Variants in MTHFD2L observed in about 807,000 individuals in gnomAD.
The protein encoded by MTHFD2L is methylenetetrahydrofolate dehydrogenase (NADP+ dependent) 2 like.
A neutral mutation model predicts 34.9 loss-of-function variants in MTHFD2L; 29 were observed. That is an observed-to-expected ratio of 0.83 (90% CI 0.62 to 1.13). The LOEUF is 1.13. Among genes scored for constraint, MTHFD2L ranks in the 50% most tolerant of loss-of-function variants. The pLI is 0.00. For missense variants in MTHFD2L, 481 were observed against 446.5 expected, an observed-to-expected ratio of 1.08 and a Z score of -0.70; for synonymous variants, 167 against 155.7, an observed-to-expected ratio of 1.07 and a Z score of -0.54.
intron 7 of MTHFD2L, among the ~76,000 whole-genome samples, chr4:74,289,880 C>T (rs1044956841): frequency 2.0e-5 from 3 of 151,940 alleles, no homozygotes; most frequent in African/African-American, 4.8e-5. Context: ...CTTAAAGGTT[C>T]AATGAATTTT....
At chr4:74,140,943 A>G (rs1371224596) in intron 1 of MTHFD2L, among the ~76,000 whole-genome samples, 2 of 152,228 alleles carry the variant, frequency 1.3e-5, no homozygotes, top group African/African-American at 2.4e-5. Flanking sequence ...TTGAGTGGGA[A>G]CGCAGCCAAA....
chr4:74,160,028 C>T (rs1725069548), intron 1 of MTHFD2L: 1 of 1,277,002 alleles, frequency 7.8e-7, no homozygotes, highest in South Asian at 1.3e-5. Flanking sequence ...TGTGTTGATG[C>T]TTATTGGTGT....
chr4:74,161,361 G>A (rs1725425502), intron 1 of MTHFD2L: 1 of 152,100 alleles, frequency 6.6e-6, no homozygotes, highest in Non-Finnish European at 1.5e-5. Context: ...TAATGACTAG[G>A]AAAGGCAGTT....
At chr4:74,298,096 G>A (rs1178357155) in intron 7 of MTHFD2L, among the ~76,000 whole-genome samples, 2 of 152,012 alleles carry the variant, frequency 1.3e-5, no homozygotes, top group Non-Finnish European at 2.9e-5. Flanking sequence ...GTTTTCCAAA[G>A]TCAAATTAAT....
chr4:74,287,606 G>A (rs1748347402), intron 7 of MTHFD2L, among the ~76,000 whole-genome samples: 2 of 152,126 alleles, frequency 1.3e-5, no homozygotes, highest in Admixed American at 1.3e-4. Flanking sequence ...AATTCGCTAG[G>A]TGTGGTGGTG....
At position 74,158,209 on chromosome 4, in the gene MTHFD2L, G is replaced by A; in HGVS notation, c.71G>A (p.Ser24Asn). The A allele has an allele frequency of 1.3e-6, 2 of 1,519,940 alleles. No homozygotes were observed. Among genetic ancestry groups the A allele is most frequent in the Non-Finnish European group, 1.8e-6 (2 of 1,134,094 alleles). The allele number at this position is 1,519,940 out of a possible 1,614,324, so 94.2% of individuals were successfully genotyped here. Residue 24 changes from serine to asparagine, a missense_variant, in exon 1 of 8, where the codon AGC becomes AAC. By Grantham distance (46) the Ser-to-Asn change is conservative. Transcript: ENST00000325278. ...GGCCGAGCGCCGGCGTTGGGCAGAA[G>A]CACAGCACCCTCCGTAAGGGCACCG... ...RLGRAPALGR[S>N]TAPSVRAPGE...
At chr4:74,121,575 G>A (rs966953089), upstream of MTHFD2L, among the ~76,000 whole-genome samples, 3 of 145,022 alleles carry the variant, frequency 2.1e-5, no homozygotes, top group African/African-American at 7.7e-5. Context: ...ATTATGGTGA[G>A]TTGTATAATT....
intron 1 of MTHFD2L, among the ~76,000 whole-genome samples, chr4:74,147,407 G>C (rs576557030): frequency 6.6e-6 from 1 of 152,246 alleles, no homozygotes; most frequent in Admixed American, 6.5e-5. Context: ...TCTTGTCTAG[G>C]GGATGTGTGT....
At chr4:74,246,063 A>G (rs113006444) in intron 6 of MTHFD2L, among the ~76,000 whole-genome samples, 23,362 of 127,914 alleles carry the variant, frequency 0.18, 2,286 homozygotes, top group African/African-American at 0.25. Flanking sequence ...AGTGACTTCC[A>G]CAATGGTTGA....
intron 1 of MTHFD2L, among the ~76,000 whole-genome samples, chr4:74,171,332 A>C (rs933005177): frequency 2.6e-5 from 4 of 152,226 alleles, no homozygotes; most frequent in African/African-American, 9.6e-5. Context: ...AACAGTTTTA[A>C]AACCTGACCA....
At chr4:74,250,513 A>G (rs548284948) in intron 6 of MTHFD2L, among the ~76,000 whole-genome samples, 1 of 152,258 alleles carries the variant, frequency 6.6e-6, no homozygotes, top group South Asian at 2.1e-4. Flanking sequence ...CCTCACACCT[A>G]CTATACCACC....
At chr4:74,194,887 G>A (rs185007315) in intron 3 of MTHFD2L, 1 of 152,284 alleles carries the variant, frequency 6.6e-6, no homozygotes, top group East Asian at 1.9e-4. Flanking sequence ...CCACGTGGCT[G>A]TTCTGGAGTC....
chr4:74,279,502 A>G (rs889332884), intron 6 of MTHFD2L, among the ~76,000 whole-genome samples: 1 of 151,956 alleles, frequency 6.6e-6, no homozygotes, highest in Non-Finnish European at 1.5e-5. Context: ...CCATTTTGTA[A>G]TTTTCCTGGG....
intron 1 of MTHFD2L, among the ~76,000 whole-genome samples, chr4:74,144,654 A>T (rs1007502936): frequency 2.6e-5 from 4 of 151,996 alleles, no homozygotes; most frequent in Non-Finnish European, 4.4e-5. Context: ...TCTTCCAAAA[A>T]TTTTTTGGTT....
At chr4:74,127,061 G>A (rs749907717) in intron 1 of MTHFD2L, among the ~76,000 whole-genome samples, 9 of 152,112 alleles carry the variant, frequency 5.9e-5, no homozygotes, top group South Asian at 2.1e-4. Flanking sequence ...CTGCCGCTCC[G>A]TGAAGAGGTG....
At chr4:74,160,600 G>C (rs1348633519) in intron 1 of MTHFD2L, 1 of 152,232 alleles carries the variant, frequency 6.6e-6, no homozygotes, top group Non-Finnish European at 1.5e-5. Context: ...GGAAATTAAT[G>C]TTAAAGTAAT....
At chr4:74,119,505 C>T (rs376269333), upstream of MTHFD2L, among the ~76,000 whole-genome samples, 1 of 152,116 alleles carries the variant, frequency 6.6e-6, no homozygotes, top group Non-Finnish European at 1.5e-5. Context: ...AAATACTGGC[C>T]GGGCGCGGTG....
chr4:74,297,569 G>A (rs1001359974), intron 7 of MTHFD2L, among the ~76,000 whole-genome samples: 1 of 151,804 alleles, frequency 6.6e-6, no homozygotes, highest in African/African-American at 2.4e-5. Context: ...AATGGAGCAT[G>A]TAGAACACCT....
intron 6 of MTHFD2L, among the ~76,000 whole-genome samples, chr4:74,257,081 C>G (rs1427832501): frequency 6.6e-6 from 1 of 152,038 alleles, no homozygotes; most frequent in Non-Finnish European, 1.5e-5. Context: ...AATGATATTT[C>G]CAATCCATGA....
Sources: allele counts gnomAD v4.1 joint callset (sites outside exome capture counted in the v4.1 genomes callset), GRCh38; gene constraint gnomAD v4.1.1; transcripts MANE v1.5; gene names NCBI Gene and HGNC (gene_info 2026-07-23, HGNC 2026-07-21).